LINGO2: variants seen among roughly 807,000 people sequenced by gnomAD.
The protein encoded by LINGO2 is leucine rich repeat and Ig domain containing 2, also known as leucine-rich repeat and immunoglobulin-like domain-containing nogo receptor-interacting protein 2.
In LINGO2, 14 loss-of-function variants were observed where a neutral mutation model predicts 30.6. That is an observed-to-expected ratio of 0.46 (90% CI 0.30 to 0.72). The LOEUF (loss-of-function observed/expected upper bound fraction) is 0.72. LINGO2 is among the 30% of genes least tolerant of loss of function. The pLI, the probability that LINGO2 is intolerant of heterozygous loss-of-function variation, is 0.07. For missense variants in LINGO2, 729 were observed against 751.7 expected (o/e 0.97, Z 0.35); for synonymous variants, 317 against 288.5 (o/e 1.10, Z -1.00).
intron 3 of LINGO2, among the ~76,000 whole-genome samples, chr9:28,309,113 C>T (rs1287101431): frequency 2.0e-5 from 3 of 152,068 alleles, no homozygotes; most frequent in Non-Finnish European, 4.4e-5. Flanking sequence ...AATCATGCTG[C>T]CATAAAGACA....
At chr9:28,267,795 G>A (rs1408772855) in intron 4 of LINGO2, among the ~76,000 whole-genome samples, 2 of 151,914 alleles carry the variant, frequency 1.3e-5, no homozygotes, top group Non-Finnish European at 2.9e-5. Flanking sequence ...TCCTTCCAGG[G>A]CATGGAGCCT....
chr9:28,585,611 C>A (rs1290369476), intron 1 of LINGO2, among the ~76,000 whole-genome samples: 1 of 151,952 alleles, frequency 6.6e-6, no homozygotes, highest in East Asian at 1.9e-4. Flanking sequence ...GTGTTCTGGG[C>A]ATGTTTAAGC....
intron 4 of LINGO2, among the ~76,000 whole-genome samples, chr9:28,105,441 G>T (rs1826558524): frequency 6.6e-6 from 1 of 152,152 alleles, no homozygotes; most frequent in Non-Finnish European, 1.5e-5. Context: ...AATCATGATA[G>T]TGAAAACTAA....
At chr9:28,455,230 G>T (rs574879887) in intron 2 of LINGO2, among the ~76,000 whole-genome samples, 1 of 152,044 alleles carries the variant, frequency 6.6e-6, no homozygotes, top group East Asian at 1.9e-4. Context: ...TTAGGTGATT[G>T]TGAGTTCATA....
At chr9:28,395,395 G>A (rs1225675967) in intron 2 of LINGO2, among the ~76,000 whole-genome samples, 1 of 152,094 alleles carries the variant, frequency 6.6e-6, no homozygotes, top group Non-Finnish European at 1.5e-5. Context: ...CTCTTTCAAT[G>A]CTCACATATT....
At chr9:28,282,238 T>C (rs978719250) in intron 4 of LINGO2, among the ~76,000 whole-genome samples, 1 of 152,142 alleles carries the variant, frequency 6.6e-6, no homozygotes, top group Admixed American at 6.5e-5. Flanking sequence ...GAATGAGTTA[T>C]GGGACACAGC....
chr9:28,876,253 T>G, the LINGO2 span, among the ~76,000 whole-genome samples: 1 of 152,064 alleles, frequency 6.6e-6, no homozygotes, highest in African/African-American at 2.4e-5. Context: ...ATTATTTTTA[T>G]TTTATTTTTA....
At chr9:28,269,995 G>T (rs914536840) in intron 4 of LINGO2, among the ~76,000 whole-genome samples, 1 of 152,062 alleles carries the variant, frequency 6.6e-6, no homozygotes, top group African/African-American at 2.4e-5. Context: ...AAGGTGCAAT[G>T]GATAAAATCC....
At chr9:28,711,775 T>C in the LINGO2 span, among the ~76,000 whole-genome samples, 1 of 152,146 alleles carries the variant, frequency 6.6e-6, no homozygotes, top group African/African-American at 2.4e-5. Flanking sequence ...TACAGCTTTT[T>C]TGATAATTAA....
intron 4 of LINGO2, among the ~76,000 whole-genome samples, chr9:28,043,394 A>C (rs1824278714): frequency 6.6e-6 from 1 of 152,174 alleles, no homozygotes; most frequent in South Asian, 2.1e-4. Context: ...CACATTGAGG[A>C]AGATTTTTCA....
At chr9:28,550,424 G>C (rs1459430868) in intron 1 of LINGO2, among the ~76,000 whole-genome samples, 1 of 151,666 alleles carries the variant, frequency 6.6e-6, no homozygotes, top group Non-Finnish European at 1.5e-5. Flanking sequence ...TATTTTCAAT[G>C]ACTGTATTTT....
intron 4 of LINGO2, among the ~76,000 whole-genome samples, chr9:28,231,795 A>G (rs903692522): frequency 6.6e-6 from 1 of 152,128 alleles, no homozygotes; most frequent in African/African-American, 2.4e-5. Flanking sequence ...CAACACACTC[A>G]GTTTCAATGA....
intron 1 of LINGO2, among the ~76,000 whole-genome samples, chr9:28,668,867 T>C (rs1369928116): frequency 6.6e-6 from 1 of 152,052 alleles, no homozygotes; most frequent in Admixed American, 6.6e-5. Context: ...AATTAGCAGT[T>C]TCCCCTAATT....
intron 4 of LINGO2, among the ~76,000 whole-genome samples, chr9:28,044,967 A>G (rs1824350608): frequency 6.6e-6 from 1 of 152,024 alleles, no homozygotes; most frequent in Non-Finnish European, 1.5e-5. Context: ...CGAGCAGAAA[A>G]CAGTTTTCCT....
At chr9:27,963,759 C>G (rs1365856836) in intron 5 of LINGO2, among the ~76,000 whole-genome samples, 1 of 145,990 alleles carries the variant, frequency 6.8e-6, no homozygotes, top group Non-Finnish European at 1.5e-5. Flanking sequence ...AAAAAGCAAG[C>G]AAAGGTTTTA....
chr9:28,299,085 T>G (rs1176149506), intron 3 of LINGO2, among the ~76,000 whole-genome samples: 3 of 152,202 alleles, frequency 2.0e-5, no homozygotes, highest in Non-Finnish European at 4.4e-5. Flanking sequence ...GCTATTGATT[T>G]GCACTTGTTG....
At chr9:28,775,631 A>G in the LINGO2 span, among the ~76,000 whole-genome samples, 1 of 152,188 alleles carries the variant, frequency 6.6e-6, no homozygotes. Context: ...CTAATGTTCA[A>G]TGAACTTACA....
the LINGO2 span, among the ~76,000 whole-genome samples, chr9:28,825,412 C>T: frequency 5.6e-5 from 8 of 143,886 alleles, no homozygotes; most frequent in South Asian, 6.3e-4. Context: ...AAGCAGGAGT[C>T]GAATTGCAGA....
At chr9:28,649,213 C>A (rs72715225) in intron 1 of LINGO2, among the ~76,000 whole-genome samples, 14,918 of 152,090 alleles carry the variant, frequency 0.098, 963 homozygotes, top group South Asian at 0.27. Flanking sequence ...AAAGCATACT[C>A]CCAGAAAATG....
Sources: allele counts gnomAD v4.1 joint callset (sites outside exome capture counted in the v4.1 genomes callset), GRCh38; gene constraint gnomAD v4.1.1; transcripts MANE v1.5; gene names NCBI Gene and HGNC (gene_info 2026-07-23, HGNC 2026-07-21).